The following SMARCC1 variants were observed in gnomAD, a reference collection of about 807,000 sequenced individuals.
SMARCC1 encodes the protein SWI/SNF related BAF chromatin remodeling complex subunit C1, also known as SWI/SNF complex subunit SMARCC1.
SMARCC1 carries 43 observed loss-of-function variants against 147.4 expected under a neutral mutation model. The observed-to-expected ratio is 0.29, with a 90% CI of 0.23 to 0.38. The LOEUF (loss-of-function observed/expected upper bound fraction) is 0.38, where lower values mean the gene tolerates loss of function less well. Ranked by LOEUF, SMARCC1 falls within the 10% of genes least tolerant of loss-of-function variation. The probability of loss-of-function intolerance (pLI) is 1.00; values close to 1 mark genes in which losing one functional copy is unlikely to be tolerated. For missense variants in SMARCC1, 1,119 were observed against 1,381.1 expected, an observed-to-expected ratio of 0.81 and a Z score of 3.01; for synonymous variants, 495 against 484.4, an observed-to-expected ratio of 1.02 and a Z score of -0.29.
chr3:47,629,203 C>G (rs759558726), intron 24 of SMARCC1, among the ~76,000 whole-genome samples: 1 of 152,168 alleles, frequency 6.6e-6, no homozygotes, highest in South Asian at 2.1e-4. Flanking sequence ...CTCACCCCTA[C>G]TATACTAGTC....
chr3:47,695,881 AGG>A (rs749132583), intron 11 of SMARCC1, among the ~76,000 whole-genome samples: 112,200 of 112,384 alleles, frequency 1, 56,009 homozygotes, highest in Non-Finnish European at 1. Flanking sequence ...TGCCTGGCCA[AGG>A]TGAAACCCCG....
intron 1 of SMARCC1, among the ~76,000 whole-genome samples, chr3:47,775,253 C>T (rs945511248): frequency 6.6e-6 from 1 of 151,170 alleles, no homozygotes. Flanking sequence ...CTCTGCCCCC[C>T]AGGTTCACAA....
At chr3:47,652,547 A>G (rs1375035890) in intron 21 of SMARCC1, among the ~76,000 whole-genome samples, 1 of 151,864 alleles carries the variant, frequency 6.6e-6, no homozygotes, top group African/African-American at 2.4e-5. Flanking sequence ...CTTTGGGATT[A>G]GAGAGATTTA....
chr3:47,771,432 C>T (rs939367534), intron 2 of SMARCC1, among the ~76,000 whole-genome samples: 5 of 152,038 alleles, frequency 3.3e-5, no homozygotes, highest in Admixed American at 1.3e-4. Flanking sequence ...AATCAGAGTT[C>T]GAAAATATAA....
intron 6 of SMARCC1, among the ~76,000 whole-genome samples, chr3:47,725,106 G>A (rs1245824895): frequency 1.4e-5 from 2 of 145,526 alleles, no homozygotes; most frequent in Admixed American, 6.9e-5. Context: ...TACTGTATAT[G>A]TAAAAATGAT....
At chr3:47,600,692 A>C (rs139604298) in intron 26 of SMARCC1, among the ~76,000 whole-genome samples, 96 of 152,300 alleles carry the variant, frequency 6.3e-4, no homozygotes, top group African/African-American at 2.2e-3. Context: ...ATGAAATCTG[A>C]AATGGGGTAG....
chr3:47,607,287 A>T (rs2032490826), intron 26 of SMARCC1, among the ~76,000 whole-genome samples: 1 of 152,162 alleles, frequency 6.6e-6, no homozygotes, highest in Admixed American at 6.6e-5. Context: ...TAATCCTGTG[A>T]GTGTGTGTAA....
intron 21 of SMARCC1, among the ~76,000 whole-genome samples, chr3:47,641,714 T>C (rs999272664): frequency 1.3e-5 from 2 of 152,200 alleles, no homozygotes; most frequent in Admixed American, 6.5e-5. Flanking sequence ...TTGAATGTTA[T>C]CTTAAACAAG....
chr3:47,767,640 C>G (rs1285106022), intron 2 of SMARCC1, among the ~76,000 whole-genome samples: 1 of 137,858 alleles, frequency 7.3e-6, no homozygotes, highest in Non-Finnish European at 1.5e-5. Flanking sequence ...GAGGCCGAGG[C>G]GGGTGGATCA....
At chr3:47,755,507 A>G (rs2034685530) in intron 2 of SMARCC1, among the ~76,000 whole-genome samples, 2 of 151,448 alleles carry the variant, frequency 1.3e-5, no homozygotes, top group Admixed American at 6.6e-5. Context: ...AAAAAAAAAA[A>G]AAAGAAAAAC....
chr3:47,694,036 T>A (rs2033820243), intron 11 of SMARCC1, among the ~76,000 whole-genome samples: 1 of 152,210 alleles, frequency 6.6e-6, no homozygotes, highest in Non-Finnish European at 1.5e-5. Flanking sequence ...ATGTAAATGT[T>A]ATCAATACTG....
At chr3:47,657,146 A>G (rs758909073) in intron 21 of SMARCC1, among the ~76,000 whole-genome samples, 1 of 152,210 alleles carries the variant, frequency 6.6e-6, no homozygotes, top group Non-Finnish European at 1.5e-5. Flanking sequence ...TGAAGGAAGA[A>G]ATAATTCAAC....
intron 27 of SMARCC1, among the ~76,000 whole-genome samples, chr3:47,589,299 G>A (rs761370061): frequency 6.6e-6 from 1 of 152,160 alleles, no homozygotes; most frequent in Non-Finnish European, 1.5e-5. Flanking sequence ...AGGTGGGAAG[G>A]TTCCACCTGA....
At chr3:47,637,598 G>C (rs2032987710) in intron 22 of SMARCC1, among the ~76,000 whole-genome samples, 1 of 152,100 alleles carries the variant, frequency 6.6e-6, no homozygotes, top group Admixed American at 6.5e-5. Flanking sequence ...TGTAATCCCA[G>C]CTACTTGGGA....
At chr3:47,713,528 C>T (rs2034116950) in intron 8 of SMARCC1, among the ~76,000 whole-genome samples, 1 of 151,968 alleles carries the variant, frequency 6.6e-6, no homozygotes, top group Admixed American at 6.6e-5. Flanking sequence ...TCAGCTCAAG[C>T]AATCCTCCTG....
intron 2 of SMARCC1, among the ~76,000 whole-genome samples, chr3:47,770,642 G>GGCA (rs1362349776): frequency 6.6e-6 from 1 of 151,584 alleles, no homozygotes; most frequent in African/African-American, 2.4e-5. Flanking sequence ...GATCAGCCTA[G>GGCA]GCAACACAGC....
At chr3:47,720,992 G>A (rs1345798590) in intron 6 of SMARCC1, among the ~76,000 whole-genome samples, 1 of 152,080 alleles carries the variant, frequency 6.6e-6, no homozygotes, top group African/African-American at 2.4e-5. Context: ...ATTATCCACT[G>A]CGGTAAAATA....
At chr3:47,592,025 G>C (rs1028951465) in intron 26 of SMARCC1, among the ~76,000 whole-genome samples, 8 of 152,190 alleles carry the variant, frequency 5.3e-5, no homozygotes, top group Admixed American at 3.3e-4. Flanking sequence ...CTGAATATAG[G>C]TTAGAACACA....
chr3:47,728,874 G>A (rs1172267627), intron 6 of SMARCC1, 151 bp downstream of exon 6: 3 of 441,866 alleles, frequency 6.8e-6, no homozygotes, highest in Non-Finnish European at 1.2e-5. Flanking sequence ...TCGCGCCACT[G>A]CACTCCAGCC....
Sources: gnomAD v4.1 joint callset for allele counts (sites outside exome capture counted in the v4.1 genomes callset) on GRCh38, gnomAD v4.1.1 for gene constraint, MANE v1.5 for transcripts, NCBI Gene and HGNC (gene_info 2026-07-23, HGNC 2026-07-21) for gene names.